The following PRRC1 variants were observed in gnomAD, a reference collection of about 807,000 sequenced individuals.
PRRC1 encodes proline rich coiled-coil 1, also known as protein PRRC1.
In PRRC1, 39 loss-of-function variants were observed where a neutral mutation model predicts 40.7. The observed-to-expected ratio is 0.96, with a 90% CI of 0.74 to 1.25. The LOEUF is 1.25. Ranked by LOEUF, PRRC1 falls within the 50% of genes most tolerant of loss-of-function variation. The probability of loss-of-function intolerance (pLI) is 0.00; values close to 1 mark genes in which losing one functional copy is unlikely to be tolerated. For missense variants in PRRC1, 573 were observed against 548.3 expected (o/e 1.05, Z -0.45); for synonymous variants, 175 against 193.3 (o/e 0.91, Z 0.79).
At chr5:127,519,577 C>T (rs930480880) in intron 1 of PRRC1, among the ~76,000 whole-genome samples, 3 of 146,632 alleles carry the variant, frequency 2.0e-5, no homozygotes, top group African/African-American at 7.5e-5. Flanking sequence ...CTTTTGGACA[C>T]CACAGTCTCC....
chr5:127,526,639 C>T lies in PRRC1; in HGVS notation c.515C>T (p.Thr172Ile). ...TTAGGTCTTTTGCCAACTCCTATTA[C>T]TCAGCAAGCCAGTTTGACATCTCTG... ...SGTGLLPTPI[T>I]QQASLTSLAQ... The change falls in exon 4 of 9, where the codon ACT becomes ATT. Residue 172 changes from threonine (T) to isoleucine (I), a missense_variant. Transcript: ENST00000296666. 2 of 1,612,002 alleles carry T rather than the reference C, an allele frequency of 1.2e-6. No individual in the cohort carries two copies. The highest frequency in any genetic ancestry group is 1.7e-4 in the Middle Eastern group (1 of 6,048).
At chr5:127,532,595 A>C (rs1417056528) in intron 5 of PRRC1, among the ~76,000 whole-genome samples, 2 of 152,150 alleles carry the variant, frequency 1.3e-5, no homozygotes, top group Non-Finnish European at 2.9e-5. Context: ...TGGAGGAAAA[A>C]AGTGAAAAAA....
At chr5:127,518,372 G>T (rs1561676606) in intron 1 of PRRC1, among the ~76,000 whole-genome samples, 1 of 152,224 alleles carries the variant, frequency 6.6e-6, no homozygotes, top group African/African-American at 2.4e-5. Flanking sequence ...TCGTTTCTTT[G>T]TTTGGTCTTG....
At position 127,553,564 on chromosome 5, in the gene PRRC1, G is replaced by GTAT; in HGVS notation, c.*1650_*1652dup. 2 of 1,252,930 alleles carry GTAT rather than the reference G, an allele frequency of 1.6e-6. No individual in the cohort carries two copies. The highest frequency in any genetic ancestry group is 8.6e-5 in the East Asian group (2 of 23,372). 77.6% of individuals were successfully genotyped at this position (1,252,930 alleles called of 1,614,324 possible). ...TTTTAAAAGCTATCCTTTTCTAGTAGTATTTTATCATGGCAATGGCATGAT... is the reference window on the plus strand; with the variant it reads ...TTTTAAAAGCTATCCTTTTCTAGTAGTATTATTTTATCATGGCAATGGCATGAT... On this transcript the variant is annotated 3_prime_UTR_variant, in exon 9 of 9. Coordinates refer to ENST00000296666, the MANE Select transcript of PRRC1 (RefSeq NM_130809.5).
intron 7 of PRRC1, among the ~76,000 whole-genome samples, chr5:127,540,860 T>C (rs1402248744): frequency 1.3e-5 from 2 of 152,138 alleles, no homozygotes; most frequent in Non-Finnish European, 2.9e-5. Flanking sequence ...GTTAGATGAA[T>C]ATGTTGCGAA....
Position 127,553,064 on chromosome 5 carries a change from T to C in PRRC1, c.*1148T>C. The stretch of plus-strand genomic sequence containing the variant: ...ATTTTTTTCTTAATACTGTTGGACT[T>C]TGTATATACAAGTTCAAATAACTTT... On this transcript the variant is annotated 3_prime_UTR_variant, in exon 9 of 9. Coordinates refer to ENST00000296666, the MANE Select transcript of PRRC1 (RefSeq NM_130809.5). The C allele has an allele frequency of 1.3e-6, 1 of 753,298 alleles. No homozygotes were observed. The highest frequency in any genetic ancestry group is 1.6e-6 in the Non-Finnish European group (1 of 619,392). The allele number at this position is 753,298 out of a possible 1,614,324, so 46.7% of individuals were successfully genotyped here.
At chr5:127,542,257 G>C (rs1211180817) in intron 7 of PRRC1, among the ~76,000 whole-genome samples, 3 of 152,070 alleles carry the variant, frequency 2.0e-5, no homozygotes, top group African/African-American at 7.2e-5. Flanking sequence ...TATAATTTCT[G>C]TTCTTTTACA....
intron 1 of PRRC1, among the ~76,000 whole-genome samples, chr5:127,518,188 A>G (rs986055487): frequency 6.6e-6 from 1 of 152,316 alleles, no homozygotes; most frequent in South Asian, 2.1e-4. Context: ...GAGACGTGGC[A>G]GAGCCTGAGG....
In PRRC1 at chr5:127,552,218, A is replaced by AC; in HGVS notation, c.*303dup. The AC allele has an allele frequency of 8.9e-7, 1 of 1,120,024 alleles. No homozygotes were observed. The highest frequency in any genetic ancestry group is 5.8e-5 in the East Asian group (1 of 17,356). The allele number at this position is 1,120,024 out of a possible 1,614,324, so 69.4% of individuals were successfully genotyped here. On this transcript the variant is annotated 3_prime_UTR_variant, in exon 9 of 9. Coordinates refer to ENST00000296666, the MANE Select transcript of PRRC1 (RefSeq NM_130809.5). Reference sequence around the variant, plus strand: ...ATAAGGTGGAAATTCATGTGCAGAGACATTTAACTTAATGCCATGTACTTG... The same window carrying AC: ...ATAAGGTGGAAATTCATGTGCAGAGACCATTTAACTTAATGCCATGTACTTG...
chr5:127,530,318 A>C lies in PRRC1; in HGVS notation c.679A>C (p.Lys227Gln). The change falls in exon 5 of 9, where the codon AAG (lysine) becomes CAG (glutamine). Residue 227 changes from lysine to glutamine, a missense_variant. Coordinates refer to ENST00000296666, the MANE Select transcript of PRRC1 (RefSeq NM_130809.5). ...IKGVAGNPMV[K>Q]SVLDKTKHSV... ...GGGTGTGGCTGGGAATCCTATGGTG[A>C]AGTCTGTGCTTGATAAGACAAAACA... is the stretch of plus-strand genomic sequence containing the variant. The C allele has an allele frequency of 6.2e-7, 1 of 1,613,964 alleles. No individual in the cohort carries two copies. The highest frequency in any genetic ancestry group is 8.5e-7 in the Non-Finnish European group (1 of 1,179,892).
chr5:127,529,986 AATT>A (rs1229631971), intron 4 of PRRC1, among the ~76,000 whole-genome samples: 2 of 152,132 alleles, frequency 1.3e-5, no homozygotes, highest in Non-Finnish European at 2.9e-5. Flanking sequence ...GTAGAAGTGA[AATT>A]ATATATATGT....
At chr5:127,521,290 G>C (rs1767451811) in intron 1 of PRRC1, among the ~76,000 whole-genome samples, 1 of 152,058 alleles carries the variant, frequency 6.6e-6, no homozygotes, top group Non-Finnish European at 1.5e-5. Context: ...AGTAATCCTT[G>C]GTCATCTGCT....
intron 5 of PRRC1, among the ~76,000 whole-genome samples, chr5:127,533,341 T>C (rs1048922762): frequency 6.6e-6 from 1 of 152,202 alleles, no homozygotes; most frequent in African/African-American, 2.4e-5. Context: ...ATACTAAATA[T>C]GTAACTTACA....
intron 1 of PRRC1, among the ~76,000 whole-genome samples, chr5:127,518,851 A>T (rs1580924249): frequency 6.6e-6 from 1 of 152,036 alleles, no homozygotes; most frequent in South Asian, 2.1e-4. Flanking sequence ...TAGTGTTGAT[A>T]TATGAATAGT....
At chr5:127,537,353 T>G (rs1243788099) in intron 6 of PRRC1, among the ~76,000 whole-genome samples, 1 of 151,802 alleles carries the variant, frequency 6.6e-6, no homozygotes, top group Non-Finnish European at 1.5e-5. Flanking sequence ...TCTCAAAACA[T>G]TGGTAGGGAC....
rs1008643426 is a variant in PRRC1, at chr5:127,553,930, T to C, written c.*2014T>C. On this transcript the variant is annotated 3_prime_UTR_variant, in exon 9 of 9. Coordinates refer to ENST00000296666, the MANE Select transcript of PRRC1 (RefSeq NM_130809.5). The stretch of plus-strand genomic sequence containing the variant: ...GTGAGTGGGTGAGGAAGATGAGAGA[T>C]GGTCAGATGGAAGAGAGAAATACAT... The C allele has an allele frequency of 2.0e-6, 3 of 1,533,814 alleles. No homozygotes were observed. The highest frequency in any genetic ancestry group is 1.7e-6 in the Non-Finnish European group (2 of 1,145,576).
chr5:127,543,070 G>A (rs1169289546), intron 7 of PRRC1, among the ~76,000 whole-genome samples: 2 of 150,360 alleles, frequency 1.3e-5, no homozygotes, highest in Non-Finnish European at 3.0e-5. Flanking sequence ...CAGGCCTGGT[G>A]GTGACAAAAT....
Position 127,553,905 on chromosome 5 carries a change from G to C in PRRC1, c.*1989G>C. 1 of 1,535,386 alleles carries C rather than the reference G, an allele frequency of 6.5e-7. No individual in the cohort carries two copies. The highest frequency in any genetic ancestry group is 8.7e-7 in the Non-Finnish European group (1 of 1,146,406). ...TGGTAAGCCTCCTGCTCGGAACCGT[G>C]TGAGTGGGTGAGGAAGATGAGAGAT... On this transcript the variant is annotated 3_prime_UTR_variant, in exon 9 of 9. Coordinates refer to ENST00000296666, the MANE Select transcript of PRRC1 (RefSeq NM_130809.5).
At chr5:127,537,003 T>TAA (rs1457171082) in intron 6 of PRRC1, among the ~76,000 whole-genome samples, 1 of 151,902 alleles carries the variant, frequency 6.6e-6, no homozygotes, top group African/African-American at 2.4e-5. Flanking sequence ...GAACTAAACT[T>TAA]ACGTTACCTT....
Sources: gnomAD v4.1 joint callset for allele counts (sites outside exome capture counted in the v4.1 genomes callset) on GRCh38, gnomAD v4.1.1 for gene constraint, MANE v1.5 for transcripts, NCBI Gene and HGNC (gene_info 2026-07-23, HGNC 2026-07-21) for gene names.